KCNG2: variants seen among roughly 807,000 people sequenced by gnomAD.
KCNG2 encodes the protein voltage-gated potassium channel regulatory subunit KCNG2.
Under a neutral mutation model 12.3 loss-of-function variants are expected in KCNG2, and 7 were observed. The observed-to-expected ratio is 0.57, with a 90% CI of 0.32 to 1.07. The LOEUF (loss-of-function observed/expected upper bound fraction) is 1.07. Ranked by LOEUF, KCNG2 falls within the 50% of genes least tolerant of loss-of-function variation. KCNG2 has a pLI of 0.04. For synonymous variants in KCNG2, 414 were observed against 351.4 expected, an observed-to-expected ratio of 1.18 and a Z score of -1.99; for missense variants, 703 against 726.0, an observed-to-expected ratio of 0.97 and a Z score of 0.36.
At chr18:79,849,198 C>T (rs1256433808) in intron 1 of KCNG2, among the ~76,000 whole-genome samples, 5 of 152,194 alleles carry the variant, frequency 3.3e-5, no homozygotes, top group Non-Finnish European at 7.4e-5. Context: ...GACCCCTCAA[C>T]CTCCACAGCC....
chr18:79,874,485 T>C (rs1176154859), intron 3 of KCNG2, among the ~76,000 whole-genome samples: 1 of 152,196 alleles, frequency 6.6e-6, no homozygotes, highest in Non-Finnish European at 1.5e-5. Context: ...TTTTGGACTC[T>C]CACAAAATAA....
intron 3 of KCNG2, among the ~76,000 whole-genome samples, chr18:79,878,258 AG>A: frequency 6.7e-6 from 1 of 148,966 alleles, no homozygotes; most frequent in South Asian, 2.2e-4. Context: ...GGCAGTGTGC[AG>A]AGGGCGCCTG....
At chr18:79,811,403 T>A (rs373510262) in intron 1 of KCNG2, among the ~76,000 whole-genome samples, 3 of 152,220 alleles carry the variant, frequency 2.0e-5, no homozygotes, top group African/African-American at 7.2e-5. Flanking sequence ...CAATTGCAAT[T>A]CTAGAAATAA....
chr18:79,806,123 C>T (rs60583885), intron 1 of KCNG2, among the ~76,000 whole-genome samples: 14,931 of 152,182 alleles, frequency 0.098, 1,301 homozygotes, highest in South Asian at 0.35. Context: ...GTCTCAATCT[C>T]GCCCAGTGGG....
In KCNG2 at chr18:79,863,871, G is replaced by C; in HGVS notation, c.204G>C (p.Glu68Asp). 6.8e-7 allele frequency: 1 copy of C among 1,472,984 alleles called. No individual in the cohort carries two copies. Among genetic ancestry groups the C allele is most frequent in the African/African-American group, 1.5e-5 (1 of 67,158 alleles). The allele number at this position is 1,472,984 out of a possible 1,614,324, so 91.2% of individuals were successfully genotyped here. A position where few individuals can be genotyped will look rare whatever the true frequency, so the allele number is the denominator to read the frequency against. The change falls in exon 3 of 4, where the codon GAG (glutamate) becomes GAC (aspartate). Residue 68 changes from glutamate (E) to aspartate (D), a missense_variant. Coordinates refer to ENST00000316249, the MANE Select transcript of KCNG2 (RefSeq NM_012283.2). Reference sequence around the variant, plus strand: ...ACGACTACGACGTGAGCCGCGACGAGTTCTTCTTCGACCGCAGCCCGTGCG... The same window carrying C: ...ACGACTACGACGTGAGCCGCGACGACTTCTTCTTCGACCGCAGCCCGTGCG... Reference protein sequence around the residue: ...VCDDYDVSRDEFFFDRSPCAF... With the variant: ...VCDDYDVSRDDFFFDRSPCAF...
At chr18:79,807,927 T>G (rs370241049) in intron 1 of KCNG2, among the ~76,000 whole-genome samples, 1 of 90,858 alleles carries the variant, frequency 1.1e-5, no homozygotes, top group African/African-American at 4.8e-5. Flanking sequence ...CTCCACGTTA[T>G]GGGCCCAGAG....
chr18:79,897,922 A>G (rs2035615387), intron 3 of KCNG2, among the ~76,000 whole-genome samples: 1 of 152,054 alleles, frequency 6.6e-6, no homozygotes, highest in Non-Finnish European at 1.5e-5. Context: ...CAGCCAGCTG[A>G]AAGCTCTGTT....
At chr18:79,815,947 G>A (rs549016159) in intron 1 of KCNG2, 2 of 152,376 alleles carry the variant, frequency 1.3e-5, no homozygotes, top group South Asian at 2.1e-4. Flanking sequence ...ATGCAGAGAC[G>A]AGAGGGAAAG....
chr18:79,861,273 CTTTTTTTTTTT>C (rs56348625), intron 2 of KCNG2, among the ~76,000 whole-genome samples: 1 of 76,972 alleles, frequency 1.3e-5, no homozygotes, highest in Admixed American at 1.6e-4. Flanking sequence ...CTCTCTCTCT[CTTTTTTTTTTT>C]TTTTTTTTTT....
intron 1 of KCNG2, among the ~76,000 whole-genome samples, chr18:79,804,871 G>T (rs554335190): frequency 6.6e-6 from 1 of 152,184 alleles, no homozygotes; most frequent in Non-Finnish European, 1.5e-5. Flanking sequence ...AAAATCTTGC[G>T]TAAGATTGCA....
At chr18:79,876,517 C>T (rs1231201424) in intron 3 of KCNG2, among the ~76,000 whole-genome samples, 2 of 152,244 alleles carry the variant, frequency 1.3e-5, no homozygotes, top group African/African-American at 4.8e-5. Flanking sequence ...AGCCGTTGTT[C>T]GACCCAGTTG....
intron 1 of KCNG2, among the ~76,000 whole-genome samples, chr18:79,821,877 CTTCT>C (rs929124341): frequency 6.6e-6 from 1 of 152,204 alleles, no homozygotes; most frequent in Non-Finnish European, 1.5e-5. Context: ...TATCATTGCC[CTTCT>C]TTTTCAAAAT....
intron 3 of KCNG2, among the ~76,000 whole-genome samples, chr18:79,893,263 G>A (rs1370227625): frequency 6.7e-6 from 1 of 150,196 alleles, no homozygotes; most frequent in Non-Finnish European, 1.5e-5. Flanking sequence ...CTTTGGATTG[G>A]GTTGTTCATG....
At chr18:79,828,765 G>C (rs527822061) in intron 1 of KCNG2, among the ~76,000 whole-genome samples, 1 of 136,022 alleles carries the variant, frequency 7.4e-6, no homozygotes, top group East Asian at 2.3e-4. Flanking sequence ...CTATGTGTGC[G>C]TGTGTGTAAC....
chr18:79,874,693 G>A (rs954819495), intron 3 of KCNG2, among the ~76,000 whole-genome samples: 2 of 152,208 alleles, frequency 1.3e-5, no homozygotes, highest in Non-Finnish European at 2.9e-5. Context: ...TGTCCTTGCC[G>A]CATCAACTGG....
intron 3 of KCNG2, among the ~76,000 whole-genome samples, chr18:79,895,030 G>C (rs115554953): frequency 0.032 from 4,826 of 151,362 alleles, 297 homozygotes; most frequent in African/African-American, 0.11. Flanking sequence ...GATATAGTTA[G>C]GTCTCTGTCT....
rs901284881 is a variant in KCNG2 at position 79,800,201 on chromosome 18, G to T, written c.-115+2187G>T. 1.3e-4 allele frequency among the ~76,000 whole-genome samples: 20 copies of T among 152,196 alleles called. No individual in the cohort carries two copies. Among genetic ancestry groups the T allele is most frequent in the African/African-American group, 4.8e-4 (20 of 41,454 alleles). On this transcript the variant is annotated intron_variant, in intron 1 of 3. Coordinates refer to ENST00000316249, the MANE Select transcript of KCNG2 (RefSeq NM_012283.2). This position sits in a 1 kb window ranked among gnomAD's most constrained non-coding sequence, Gnocchi z 4.0. ...CTGTGCCGACAGGCATGAGCTCTGG[G>T]GGCCGGGAGGGGTGGTAGGGCCTGC...
At chr18:79,808,805 T>G (rs375258273) in intron 1 of KCNG2, among the ~76,000 whole-genome samples, 24 of 172 alleles carry the variant, frequency 0.14, no homozygotes, top group Non-Finnish European at 0.11. Context: ...TGCCGGGGCC[T>G]CGCTGACCAC....
chr18:79,899,399 C>T lies in KCNG2; in HGVS notation c.984C>T (p.Phe328=). 4 of 1,579,284 alleles carry T rather than the reference C, an allele frequency of 2.5e-6. No homozygotes were observed. Among genetic ancestry groups the T allele is most frequent in the Non-Finnish European group, 3.4e-6 (4 of 1,167,618 alleles). The change falls in exon 4 of 4, where the codon TTC becomes TTT. Residue 328 remains phenylalanine (F), a synonymous_variant. Coordinates refer to ENST00000316249, the MANE Select transcript of KCNG2 (RefSeq NM_012283.2). ...CAREFGLLLL[F]LCVAMALFAP... is the part of the protein sequence containing the mutation. ...GCGAGTTCGGGCTGCTGCTGCTGTT[C>T]CTCTGCGTGGCCATGGCGCTCTTCG... is the stretch of plus-strand genomic sequence containing the variant.
Sources: allele counts gnomAD v4.1 joint callset (sites outside exome capture counted in the v4.1 genomes callset), GRCh38; gene constraint gnomAD v4.1.1; non-coding constraint Gnocchi (gnomAD v3.1); transcripts MANE v1.5; gene names NCBI Gene and HGNC (gene_info 2026-07-23, HGNC 2026-07-21).